The following SPG7 variants were observed in gnomAD, a reference collection of about 807,000 sequenced individuals.
The protein encoded by SPG7 is SPG7 matrix AAA peptidase subunit, paraplegin.
Under a neutral mutation model 81.9 loss-of-function variants are expected in SPG7, and 103 were observed. That is an observed-to-expected ratio of 1.26 (90% CI 1.07 to 1.48). SPG7 has a LOEUF of 1.48. SPG7 is among the 40% of genes most tolerant of loss of function. SPG7 has a pLI of 0.00. For missense variants in SPG7, 1,241 were observed against 1,087.3 expected, an observed-to-expected ratio of 1.14 and a Z score of -1.99; for synonymous variants, 534 against 444.2, an observed-to-expected ratio of 1.20 and a Z score of -2.54.
At chr16:89,542,307 C>T (rs1418270091) in intron 9 of SPG7, 2 of 152,282 alleles carry the variant, frequency 1.3e-5, no homozygotes, top group Non-Finnish European at 1.5e-5. Flanking sequence ...TTCCAGACAG[C>T]TCTGGAGGGG....
chr16:89,556,840 T>C, intron 16 of SPG7, 47 bp from the exon 17 acceptor site: 1 of 1,454,432 alleles, frequency 6.9e-7, no homozygotes, highest in Non-Finnish European at 9.7e-7. Context: ...ATAGAGATGC[T>C]CTGTCTGCCC....
intron 4 of SPG7, 35 bp downstream of exon 4, chr16:89,524,282 T>C (rs1291442468): frequency 6.3e-7 from 1 of 1,589,948 alleles, no homozygotes. Context: ...TGAGTGAGGG[T>C]GTGGGCACAG....
chr16:89,555,375 C>CA (rs2058676612), intron 16 of SPG7: 1 of 152,792 alleles, frequency 6.5e-6, no homozygotes, highest in Non-Finnish European at 1.5e-5. Context: ...GCCACAGCCC[C>CA]ACGCTGATTA....
chr16:89,554,616 C>T lies in SPG7; in HGVS notation c.2181+53C>T, dbSNP rs776250742. The T allele has an allele frequency of 6.4e-5, 78 of 1,222,198 alleles. No homozygotes were observed. In the Admixed American group the frequency reaches 1.3e-3, roughly 21 times the overall value. The allele number at this position is 1,222,198 out of a possible 1,614,324, so 75.7% of individuals were successfully genotyped here. On this transcript the variant is annotated intron_variant, in intron 16 of 16. Coordinates refer to ENST00000645818, the MANE Select transcript of SPG7 (RefSeq NM_003119.4). ...ACGGCGTCACACAGTGTCCACACAG[C>T]ACCCACGGTCCCCACCCCTCTCGTG...
intron 1 of SPG7, among the ~76,000 whole-genome samples, chr16:89,510,224 C>T (rs1321759227): frequency 2.0e-5 from 3 of 152,126 alleles, no homozygotes; most frequent in African/African-American, 7.2e-5. Context: ...ATCCACCCGC[C>T]TCAGCCTCCC....
rs779792728 is a variant in SPG7 at position 89,532,546 on chromosome 16, G to A, written c.1234G>A (p.Ala412Thr). Residue 412 changes from alanine to threonine, a missense_variant, in exon 9 of 17, where the codon GCG becomes ACG. Coordinates refer to ENST00000645818, the MANE Select transcript of SPG7 (RefSeq NM_003119.4). ...CATCGTCTACATCGATGAGATCGAC[G>A]CGGTGGGCAAGAAGCGCTCCACCAC... ...PCIVYIDEID[A>T]VGKKRSTTMS... The A allele has an allele frequency of 1.4e-5, 22 of 1,613,626 alleles. No homozygotes were observed. Among genetic ancestry groups the A allele is most frequent in the South Asian group, 4.4e-5 (4 of 91,092 alleles).
chr16:89,516,123 G>C (rs1016946541), intron 3 of SPG7, among the ~76,000 whole-genome samples: 8 of 152,054 alleles, frequency 5.3e-5, no homozygotes, highest in African/African-American at 1.9e-4. Context: ...GAATAGCTGG[G>C]ATCACAGGCA....
At chr16:89,531,863 A>G (rs773461773) in intron 7 of SPG7, 41 bp from the exon 8 acceptor site, 2 of 1,611,832 alleles carry the variant, frequency 1.2e-6, no homozygotes, top group Admixed American at 1.7e-5. Context: ...AAAAAACGGA[A>G]TCCCCAAGTA....
At chr16:89,547,727 C>T (rs1026099977) in intron 11 of SPG7, 7 of 419,552 alleles carry the variant, frequency 1.7e-5, no homozygotes, top group Non-Finnish European at 2.2e-5. Context: ...ATTTTCCTGC[C>T]TCAGCCTCCT....
chr16:89,517,821 A>C (rs1053513684), intron 3 of SPG7: 1 of 152,080 alleles, frequency 6.6e-6, no homozygotes, highest in African/African-American at 2.4e-5. Context: ...GAGTTTCACC[A>C]TGTGAGCTAG....
At chr16:89,546,821 C>A (rs1393025440) in intron 11 of SPG7, 61 bp downstream of exon 11, 6 of 1,132,688 alleles carry the variant, frequency 5.3e-6, no homozygotes, top group Non-Finnish European at 8.1e-6. Context: ...GTGTCACCTG[C>A]GCAAACAGCA....
At chr16:89,537,033 G>T (rs1169364421) in intron 9 of SPG7, 7 of 1,606,594 alleles carry the variant, frequency 4.4e-6, no homozygotes, top group Admixed American at 1.7e-5. Flanking sequence ...ATTTGCTCAG[G>T]CCTGGGAATC....
intron 9 of SPG7, chr16:89,536,799 C>T: frequency 6.2e-7 from 1 of 1,614,104 alleles, no homozygotes; most frequent in African/African-American, 1.3e-5. Flanking sequence ...CCCAGGGGAC[C>T]ATGAGGAAGC....
chr16:89,523,908 C>G (rs2058226262), intron 3 of SPG7, 98 bp from the exon 4 acceptor site: 1 of 1,486,218 alleles, frequency 6.7e-7, no homozygotes, highest in Non-Finnish European at 9.2e-7. Context: ...GACGCTGCCC[C>G]TCCCCGTCCA....
chr16:89,545,915 C>T (rs532285112), intron 10 of SPG7: 120 of 452,096 alleles, frequency 2.7e-4, no homozygotes, highest in Middle Eastern at 6.8e-4. Context: ...TGCAGTGCTG[C>T]GATCACCACT....
rs186390689 is a variant in SPG7, at chr16:89,525,037, G to A, written c.618+790G>A. On this transcript the variant is annotated intron_variant, in intron 4 of 16. Coordinates refer to ENST00000645818, the MANE Select transcript of SPG7 (RefSeq NM_003119.4). ...GGGGTGTGTGTGATGTCGGCTCACT[G>A]CAGCCTTGATCTCCTGGGCTCAGGT... Among the ~76,000 whole-genome samples the A allele has an allele frequency of 1.8e-4, 24 of 137,022 alleles. No individual in the cohort carries two copies. In the East Asian group the frequency reaches 4.9e-3, roughly 28 times the overall value. 89.9% of individuals were successfully genotyped at this position (137,022 alleles called of 152,430 possible). A position where few individuals can be genotyped will look rare whatever the true frequency, so the allele number is the denominator to read the frequency against.
intron 1 of SPG7, 44 bp from the exon 2 acceptor site, chr16:89,510,446 T>A: frequency 4.0e-6 from 5 of 1,241,968 alleles, no homozygotes; most frequent in Non-Finnish European, 5.9e-6. Context: ...TGGTACTCTC[T>A]AATGTTGGTG....
chr16:89,522,561 G>A (rs958793382), intron 3 of SPG7: 13 of 152,438 alleles, frequency 8.5e-5, no homozygotes, highest in African/African-American at 2.9e-4. Flanking sequence ...CGCTGGGTCC[G>A]TGGCGCTGTG....
At chr16:89,536,704 C>A in intron 9 of SPG7, 3 of 1,600,970 alleles carry the variant, frequency 1.9e-6, no homozygotes, top group Non-Finnish European at 1.7e-6. Context: ...GCTGCTCTGG[C>A]TGTGTGGCGT....
Sources: gnomAD v4.1 joint callset for allele counts (sites outside exome capture counted in the v4.1 genomes callset) on GRCh38, gnomAD v4.1.1 for gene constraint, MANE v1.5 for transcripts, NCBI Gene and HGNC (gene_info 2026-07-23, HGNC 2026-07-21) for gene names.